NRF1: variants seen among roughly 807,000 people sequenced by gnomAD.
The protein encoded by NRF1 is alpha palindromic-binding protein.
In NRF1, 5 loss-of-function variants were observed where a neutral mutation model predicts 58.5. The observed-to-expected ratio is 0.09, with a 90% CI of 0.04 to 0.18. The LOEUF (loss-of-function observed/expected upper bound fraction) is 0.18, where lower values mean the gene tolerates loss of function less well. Among genes scored for constraint, NRF1 ranks in the 10% least tolerant of loss-of-function variants. NRF1 has a pLI of 1.00. For missense variants in NRF1, 288 were observed against 657.7 expected, an observed-to-expected ratio of 0.44 and a Z score of 6.15; for synonymous variants, 224 against 246.7, an observed-to-expected ratio of 0.91 and a Z score of 0.86.
At chr7:129,712,332 A>G (rs1449159147) in intron 8 of NRF1, among the ~76,000 whole-genome samples, 1 of 152,238 alleles carries the variant, frequency 6.6e-6, no homozygotes, top group Non-Finnish European at 1.5e-5. Context: ...CCTTGAAGAT[A>G]CTGATGTGGT....
chr7:129,718,367 T>C (rs1050804964), intron 9 of NRF1, among the ~76,000 whole-genome samples: 1 of 152,064 alleles, frequency 6.6e-6, no homozygotes, highest in African/African-American at 2.4e-5. Context: ...AAAATGGGAG[T>C]GATAACAGTA....
At chr7:129,661,665 C>G (rs987131829) in intron 2 of NRF1, among the ~76,000 whole-genome samples, 2 of 150,842 alleles carry the variant, frequency 1.3e-5, no homozygotes, top group Non-Finnish European at 2.9e-5. Flanking sequence ...CTTTATTGTC[C>G]ATATCACTAT....
intron 3 of NRF1, among the ~76,000 whole-genome samples, chr7:129,672,543 C>T (rs1562966257): frequency 6.6e-6 from 1 of 152,058 alleles, no homozygotes; most frequent in Non-Finnish European, 1.5e-5. Flanking sequence ...TAATCTAGGC[C>T]AGAAATGATA....
intron 1 of NRF1, among the ~76,000 whole-genome samples, chr7:129,647,345 A>T (rs1017714671): frequency 2.0e-5 from 3 of 150,926 alleles, no homozygotes; most frequent in Non-Finnish European, 4.4e-5. Context: ...TCATAAAATC[A>T]TCCACTCATC....
chr7:129,674,871 G>A (rs1391827669), intron 3 of NRF1, among the ~76,000 whole-genome samples: 6 of 152,104 alleles, frequency 3.9e-5, no homozygotes, highest in Non-Finnish European at 8.8e-5. Context: ...TGAAGGTTGG[G>A]GTGGCTGCGG....
chr7:129,666,521 G>A (rs1444836702), intron 2 of NRF1, among the ~76,000 whole-genome samples: 5 of 152,184 alleles, frequency 3.3e-5, no homozygotes, highest in Non-Finnish European at 7.4e-5. Context: ...TTCATTATCT[G>A]AGTATTTCTT....
At chr7:129,754,562 G>T (rs376533317) in intron 10 of NRF1, among the ~76,000 whole-genome samples, 8 of 152,002 alleles carry the variant, frequency 5.3e-5, no homozygotes, top group African/African-American at 1.7e-4. Context: ...GGGTTGGGGA[G>T]GGGGGCAGGA....
intron 2 of NRF1, among the ~76,000 whole-genome samples, chr7:129,667,222 T>C (rs754379140): frequency 6.6e-6 from 1 of 152,218 alleles, no homozygotes; most frequent in African/African-American, 2.4e-5. Context: ...CTGTAGCGCC[T>C]GTTACTTCTC....
At chr7:129,733,058 G>A (rs967360646) in intron 10 of NRF1, among the ~76,000 whole-genome samples, 6 of 1,470 alleles carry the variant, frequency 4.1e-3, no homozygotes, top group Non-Finnish European at 0.033. Flanking sequence ...GCAACAAAGC[G>A]AGACTGTCTC....
At chr7:129,661,220 C>T (rs1320282944) in intron 2 of NRF1, among the ~76,000 whole-genome samples, 1 of 151,304 alleles carries the variant, frequency 6.6e-6, no homozygotes, top group African/African-American at 2.5e-5. Flanking sequence ...TCCTAGGTCT[C>T]CAGGCCTATG....
chr7:129,745,289 C>T (rs1803947087), intron 10 of NRF1, among the ~76,000 whole-genome samples: 1 of 152,116 alleles, frequency 6.6e-6, no homozygotes, highest in South Asian at 2.1e-4. Flanking sequence ...ACTGGGTACC[C>T]CTTGCCTTGC....
chr7:129,731,903 A>G (rs1347790031), intron 10 of NRF1, among the ~76,000 whole-genome samples: 2 of 152,128 alleles, frequency 1.3e-5, no homozygotes. Context: ...ATGAGCCACT[A>G]CACCCGGCCC....
At chr7:129,734,642 C>T (rs1307388284) in intron 10 of NRF1, among the ~76,000 whole-genome samples, 1 of 152,142 alleles carries the variant, frequency 6.6e-6, no homozygotes, top group East Asian at 1.9e-4. Context: ...CCAGAGGAGC[C>T]GACAGGTCTG....
intron 1 of NRF1, 98 bp from the exon 2 acceptor site, chr7:129,657,248 C>G: frequency 1.1e-6 from 1 of 875,172 alleles, no homozygotes; most frequent in African/African-American, 1.7e-5. Context: ...GGAATTTTGT[C>G]AAGGTTCCTC....
At chr7:129,657,203 C>T in intron 1 of NRF1, 143 bp from the exon 2 acceptor site, 1 of 618,210 alleles carries the variant, frequency 1.6e-6, no homozygotes, top group Non-Finnish European at 2.9e-6. Flanking sequence ...TTCCCATTTC[C>T]TGTGACTTGG....
At chr7:129,704,789 T>G (rs746720989) in intron 5 of NRF1, among the ~76,000 whole-genome samples, 13 of 152,202 alleles carry the variant, frequency 8.5e-5, no homozygotes, top group Non-Finnish European at 1.6e-4. Context: ...GGGTGGAATT[T>G]TCCACATGTG....
At chr7:129,629,512 T>C (rs529661834) in intron 1 of NRF1, among the ~76,000 whole-genome samples, 2 of 152,056 alleles carry the variant, frequency 1.3e-5, no homozygotes, top group Non-Finnish European at 2.9e-5. Flanking sequence ...TGACCTCAGG[T>C]GATCTGTCAG....
At chr7:129,697,444 A>G (rs1042915686) in intron 5 of NRF1, among the ~76,000 whole-genome samples, 1 of 151,592 alleles carries the variant, frequency 6.6e-6, no homozygotes, top group African/African-American at 2.4e-5. Flanking sequence ...GCTACTTGGG[A>G]GGGCGAGACA....
At chr7:129,665,936 A>G (rs150899558) in intron 2 of NRF1, among the ~76,000 whole-genome samples, 86 of 152,312 alleles carry the variant, frequency 5.6e-4, no homozygotes, top group African/African-American at 2.0e-3. Context: ...TTTTTAAACA[A>G]AATTGGATTT....
Sources: allele counts gnomAD v4.1 joint callset (sites outside exome capture counted in the v4.1 genomes callset), GRCh38; gene constraint gnomAD v4.1.1; transcripts MANE v1.5; gene names NCBI Gene and HGNC (gene_info 2026-07-23, HGNC 2026-07-21).